Variants in ANKRD13D observed in about 807,000 individuals in gnomAD.
ANKRD13D encodes ankyrin repeat domain 13D.
Under a neutral mutation model 68.8 loss-of-function variants are expected in ANKRD13D, and 24 were observed. That is an observed-to-expected ratio of 0.35 (90% CI 0.25 to 0.49). ANKRD13D has a LOEUF of 0.49. Ranked by LOEUF, ANKRD13D falls within the 20% of genes least tolerant of loss-of-function variation. The probability of loss-of-function intolerance (pLI) is 0.99; values close to 1 mark genes in which losing one functional copy is unlikely to be tolerated. For missense variants in ANKRD13D, 735 were observed against 832.1 expected (o/e 0.88, Z 1.44); for synonymous variants, 331 against 336.1 (o/e 0.98, Z 0.16).
chr11:67,289,638 G>T, intron 1 of ANKRD13D, 88 bp downstream of exon 1: 2 of 837,970 alleles, frequency 2.4e-6, no homozygotes, highest in Non-Finnish European at 3.0e-6. Flanking sequence ...CCCCCCCCCC[G>T]CCCGCTCAGC....
rs765745556 is a variant in ANKRD13D, at chr11:67,299,975, G to T, written c.943-18G>T. 2 of 1,605,744 alleles carry T rather than the reference G, an allele frequency of 1.2e-6. No homozygotes were observed. The highest frequency in any genetic ancestry group is 1.1e-5 in the South Asian group (1 of 90,416). On this transcript the variant is annotated intron_variant, in intron 9 of 14. Transcript: ENST00000511455. This position sits in a 1 kb window ranked among gnomAD's most constrained non-coding sequence, Gnocchi z 6.2. The stretch of plus-strand genomic sequence containing the variant: ...CTCTGTCACCTTGATGGCTGAGTCC[G>T]CCCTGGGACCCACGCAGGCCCCCGT...
Position 67,302,144 on chromosome 11 carries a change from T to C in ANKRD13D, c.1630T>C (p.Ser544Pro), listed in dbSNP as rs1590877728. The change falls in exon 15 of 15, where the codon TCC (serine) becomes CCC (proline). Residue 544 changes from serine to proline, a missense_variant. Coordinates refer to ENST00000511455, the MANE Select transcript of ANKRD13D (RefSeq NM_207354.3). The part of the protein sequence containing the change: ...ERALQESLQL[S>P]TEPRGPGSPP... Reference sequence around the variant, plus strand: ...GGCCCTCCAGGAAAGCCTGCAGCTGTCCACAGAGCCCAGGGGCCCAGGATC... The same window carrying C: ...GGCCCTCCAGGAAAGCCTGCAGCTGCCCACAGAGCCCAGGGGCCCAGGATC... The C allele has an allele frequency of 1.3e-6, 2 of 1,590,592 alleles. No individual in the cohort carries two copies. The highest frequency in any genetic ancestry group is 1.3e-5 in the African/African-American group (1 of 74,474).
chr11:67,289,780 A>G, intron 1 of ANKRD13D: 1 of 1,418,060 alleles, frequency 7.1e-7, no homozygotes, highest in Non-Finnish European at 9.2e-7. Flanking sequence ...TCGCTTCCGC[A>G]TCCTTGCTGA....
Position 67,289,546 on chromosome 11 carries a change from A to G in ANKRD13D, c.86A>G (p.His29Arg). 1 of 1,510,700 alleles carries G rather than the reference A, an allele frequency of 6.6e-7. No individual in the cohort carries two copies. The highest frequency in any genetic ancestry group is 8.8e-7 in the Non-Finnish European group (1 of 1,139,652). The allele number at this position is 1,510,700 out of a possible 1,614,324, so 93.6% of individuals were successfully genotyped here. A position where few individuals can be genotyped will look rare whatever the true frequency, so the allele number is the denominator to read the frequency against. Residue 29 changes from histidine to arginine, a missense_variant, in exon 1 of 15, where the codon CAC (histidine) becomes CGC (arginine). Coordinates refer to ENST00000511455, the MANE Select transcript of ANKRD13D (RefSeq NM_207354.3). ...HRELEAALHSHQHDIEQEDPR... is the reference protein window; with the variant it reads ...HRELEAALHSRQHDIEQEDPR... ...GAACTGGAGGCCGCACTGCACAGCC[A>G]CCAGGTGAGGCCCCGCTGGGGCACC...
intron 6 of ANKRD13D, among the ~76,000 whole-genome samples, chr11:67,293,005 G>A (rs2136523489): frequency 6.6e-6 from 1 of 152,170 alleles, no homozygotes; most frequent in African/African-American, 2.4e-5. Flanking sequence ...CCTTTTTGTG[G>A]CCATTGTATG....
At chr11:67,291,926 C>A in intron 5 of ANKRD13D, 65 bp from the exon 6 acceptor site, 1 of 1,527,438 alleles carries the variant, frequency 6.5e-7, no homozygotes, top group Non-Finnish European at 8.8e-7. Flanking sequence ...CATGATCGCC[C>A]TCTCTGCACT....
chr11:67,290,514 C>T, intron 3 of ANKRD13D, 68 bp downstream of exon 3: 3 of 1,496,374 alleles, frequency 2.0e-6, no homozygotes, highest in Non-Finnish European at 2.7e-6. Flanking sequence ...CTGTGCCAGG[C>T]CTGGCCTTGG....
rs1206098217 is a variant in ANKRD13D, at chr11:67,292,296, A to G, written c.731+116A>G. 4 of 1,244,936 alleles carry G rather than the reference A, an allele frequency of 3.2e-6. No individual in the cohort carries two copies. The African/African-American group carries it at 4.5e-5, about 14-fold the overall frequency. The allele number at this position is 1,244,936 out of a possible 1,614,324, so 77.1% of individuals were successfully genotyped here. A position where few individuals can be genotyped will look rare whatever the true frequency, so the allele number is the denominator to read the frequency against. On this transcript the variant is annotated intron_variant, in intron 6 of 14. Coordinates refer to ENST00000511455, the MANE Select transcript of ANKRD13D (RefSeq NM_207354.3). The stretch of plus-strand genomic sequence containing the variant: ...GTTCAGGCCTCTGGGCTCACTCACA[A>G]GGGGCTGCTCAGGGGCAGGTGGGTT...
At position 67,289,625 on chromosome 11, in the gene ANKRD13D, C is replaced by G. The variant is rs1367958105; in HGVS notation, c.90+75C>G. 2.1e-5 allele frequency: 24 copies of G among 1,128,980 alleles called. 1 individual carries two copies. Among genetic ancestry groups the G allele is most frequent in the Non-Finnish European group, 2.6e-5 (23 of 872,652 alleles). 69.9% of individuals were successfully genotyped at this position (1,128,980 alleles called of 1,614,324 possible). A position where few individuals can be genotyped will look rare whatever the true frequency, so the allele number is the denominator to read the frequency against. On this transcript the variant is annotated intron_variant, in intron 1 of 14. Transcript: ENST00000511455. ...GGCTGTGGCCTCCGTCCTGGAGCCCCCCCCCCCCCCCCGCCCGCTCAGCTC... is the reference window on the plus strand; with the variant it reads ...GGCTGTGGCCTCCGTCCTGGAGCCCGCCCCCCCCCCCCGCCCGCTCAGCTC...
Position 67,289,766 on chromosome 11 carries a change from G to T in ANKRD13D, c.90+216G>T, listed in dbSNP as rs958976638. On this transcript the variant is annotated intron_variant, in intron 1 of 14. Transcript: ENST00000511455. ...GCGCTGGGCCTTGCCCTGCTCGCCC[G>T]AACTCGCTTCCGCATCCTTGCTGAC... 3 of 1,412,986 alleles carry T rather than the reference G, an allele frequency of 2.1e-6. No homozygotes were observed. In the African/African-American group the frequency reaches 4.4e-5, roughly 21 times the overall value. The allele number at this position is 1,412,986 out of a possible 1,614,324, so 87.5% of individuals were successfully genotyped here.
chr11:67,299,037 C>T lies in ANKRD13D; in HGVS notation c.732-21C>T. ...CGTGTGAGGGTGCAGGTCTCACCAGCTCCTGTTTGGTCTGTTTCAGGAACA... is the reference window on the plus strand; with the variant it reads ...CGTGTGAGGGTGCAGGTCTCACCAGTTCCTGTTTGGTCTGTTTCAGGAACA... On this transcript the variant is annotated intron_variant, in intron 6 of 14. Transcript: ENST00000511455. The surrounding 1 kb of genome is among the most constrained non-coding windows in gnomAD (Gnocchi z 6.2). 1 of 1,612,042 alleles carries T rather than the reference C, an allele frequency of 6.2e-7. No individual in the cohort carries two copies.
chr11:67,301,703 G>A lies in ANKRD13D; in HGVS notation c.1513-29G>A. The A allele has an allele frequency of 6.2e-7, 1 of 1,611,378 alleles. No homozygotes were observed. The highest frequency in any genetic ancestry group is 8.5e-7 in the Non-Finnish European group (1 of 1,179,638). On this transcript the variant is annotated intron_variant, in intron 13 of 14. Coordinates refer to ENST00000511455, the MANE Select transcript of ANKRD13D (RefSeq NM_207354.3). This position sits in a 1 kb window ranked among gnomAD's most constrained non-coding sequence, Gnocchi z 4.5. ...TGGCCTCTGCAGCCACACGGCAGAA[G>A]TGACAGCTGTGGGCTCTGGTGGCTG...
At chr11:67,289,617 T>TGGGGGGGGGGGGGGGGGGGGGGGGG in intron 1 of ANKRD13D, 67 bp downstream of exon 1, 4 of 1,125,054 alleles carry the variant, frequency 3.6e-6, no homozygotes, top group Non-Finnish European at 4.5e-6. Flanking sequence ...GCCTCCGTCC[T>TGGGGGGGGGGGGGGGGGGGGGGGGG]GGAGCCCCCC....
Position 67,300,845 on chromosome 11 carries a change from AG to A in ANKRD13D, c.1074-143del. 1 of 1,011,534 alleles carries A rather than the reference AG, an allele frequency of 9.9e-7. No homozygotes were observed. The highest frequency in any genetic ancestry group is 1.7e-5 in the South Asian group (1 of 58,644). 62.7% of individuals were successfully genotyped at this position (1,011,534 alleles called of 1,614,324 possible). The stretch of plus-strand genomic sequence containing the variant: ...TGGCCAGGACACCAGCTCCCGGGGG[AG>A]GCGGGCAGCGGCATCTGAGCAGAGC... On this transcript the variant is annotated intron_variant, in intron 10 of 14. Transcript: ENST00000511455. The surrounding 1 kb of genome is among the most constrained non-coding windows in gnomAD (Gnocchi z 4.3).
At position 67,299,421 on chromosome 11, in the gene ANKRD13D, C is replaced by G; in HGVS notation, c.799-109C>G. On this transcript the variant is annotated intron_variant, in intron 7 of 14. Transcript: ENST00000511455. This position sits in a 1 kb window ranked among gnomAD's most constrained non-coding sequence, Gnocchi z 6.2. Reference sequence around the variant, plus strand: ...CTGCCACCTCCTCCATTTTGGGGAGCAAGATCTCATCTGTCTCTGGGACAG... The same window carrying G: ...CTGCCACCTCCTCCATTTTGGGGAGGAAGATCTCATCTGTCTCTGGGACAG... 3.1e-6 allele frequency: 3 copies of G among 969,144 alleles called. No individual in the cohort carries two copies. Among genetic ancestry groups the G allele is most frequent in the Non-Finnish European group, 4.6e-6 (3 of 646,690 alleles). The allele number at this position is 969,144 out of a possible 1,614,324, so 60.0% of individuals were successfully genotyped here. A position where few individuals can be genotyped will look rare whatever the true frequency, so the allele number is the denominator to read the frequency against.
At chr11:67,291,840 G>A in intron 5 of ANKRD13D, 94 bp downstream of exon 5, 1 of 1,541,266 alleles carries the variant, frequency 6.5e-7, no homozygotes, top group Non-Finnish European at 8.7e-7. Context: ...CTTTCCAGAT[G>A]TGGAAGCTGA....
At chr11:67,298,910 C>T (rs1860864703) in intron 6 of ANKRD13D, 148 bp from the exon 7 acceptor site, 1 of 781,866 alleles carries the variant, frequency 1.3e-6, no homozygotes, top group Non-Finnish European at 2.2e-6. Flanking sequence ...CAGGCACCCT[C>T]TTCAGGGGTC....
Position 67,301,606 on chromosome 11 carries a change from C to A in ANKRD13D, c.1467C>A (p.Phe489Leu), listed in dbSNP as rs149238471. The change falls in exon 13 of 15, where the codon TTC (phenylalanine) becomes TTA (leucine). Residue 489 changes from phenylalanine to leucine, a missense_variant. Coordinates refer to ENST00000511455, the MANE Select transcript of ANKRD13D (RefSeq NM_207354.3). This position sits in a 1 kb window ranked among gnomAD's most constrained non-coding sequence, Gnocchi z 4.5. ...LRDEDDDLLQ[F>L]AIQQSLLEAG... Reference sequence around the variant, plus strand: ...ACGAGGACGATGACCTCCTGCAGTTCGCCATCCAGCAGAGCCTGCTTGAAG... The same window carrying A: ...ACGAGGACGATGACCTCCTGCAGTTAGCCATCCAGCAGAGCCTGCTTGAAG... 1 of 1,612,772 alleles carries A rather than the reference C, an allele frequency of 6.2e-7. No individual in the cohort carries two copies. Among genetic ancestry groups the A allele is most frequent in the Non-Finnish European group, 8.5e-7 (1 of 1,179,974 alleles).
chr11:67,291,871 C>G (rs1389599562), intron 5 of ANKRD13D, 120 bp from the exon 6 acceptor site: 1 of 1,513,218 alleles, frequency 6.6e-7, no homozygotes, highest in African/African-American at 1.4e-5. Context: ...GGAGGGGCAT[C>G]CAGGGGCCAA....
Sources: allele counts gnomAD v4.1 joint callset (sites outside exome capture counted in the v4.1 genomes callset), GRCh38; gene constraint gnomAD v4.1.1; non-coding constraint Gnocchi (gnomAD v3.1); transcripts MANE v1.5; gene names NCBI Gene and HGNC (gene_info 2026-07-23, HGNC 2026-07-21).